COL5A2: variants seen among roughly 807,000 people sequenced by gnomAD.
COL5A2 encodes collagen alpha-2(V) chain.
Under a neutral mutation model 208.2 loss-of-function variants are expected in COL5A2, and 23 were observed. The observed-to-expected ratio is 0.11, with a 90% CI of 0.08 to 0.16. The LOEUF is 0.16. Among genes scored for constraint, COL5A2 ranks in the 10% least tolerant of loss-of-function variants. The probability of loss-of-function intolerance (pLI) is 1.00; values close to 1 mark genes in which losing one functional copy is unlikely to be tolerated. For missense variants in COL5A2, 1,590 were observed against 1,956.4 expected (o/e 0.81, Z 3.53); for synonymous variants, 625 against 628.5 (o/e 0.99, Z 0.08).
At chr2:189,259,725 C>T in the COL5A2 span, among the ~76,000 whole-genome samples, 102 of 152,258 alleles carry the variant, frequency 6.7e-4, no homozygotes, top group Middle Eastern at 3.4e-3. Flanking sequence ...TATTTGGCTA[C>T]GTTAACGGAC....
chr2:189,286,616 C>T, the COL5A2 span, among the ~76,000 whole-genome samples: 2 of 152,142 alleles, frequency 1.3e-5, no homozygotes, highest in Non-Finnish European at 2.9e-5. Flanking sequence ...AAGTGGAAGA[C>T]ATGCCACAGC....
chr2:189,128,258 T>C (rs1687646457), intron 1 of COL5A2, among the ~76,000 whole-genome samples: 1 of 152,000 alleles, frequency 6.6e-6, no homozygotes, highest in Non-Finnish European at 1.5e-5. Context: ...ACCTTGCTAG[T>C]TATGTTTGTA....
chr2:189,160,417 C>A (rs968154744), intron 1 of COL5A2, among the ~76,000 whole-genome samples: 2 of 152,092 alleles, frequency 1.3e-5, no homozygotes, highest in Non-Finnish European at 2.9e-5. Context: ...TTTATCCCCC[C>A]TTTTTTTCTA....
chr2:189,416,726 T>A, the COL5A2 span, among the ~76,000 whole-genome samples: 3,759 of 152,138 alleles, frequency 0.025, 158 homozygotes, highest in African/African-American at 0.085. Context: ...ATAAAATTTT[T>A]TAAAAAAATC....
chr2:189,045,287 T>C, intron 46 of COL5A2, 55 bp from the exon 47 acceptor site: 1 of 1,133,528 alleles, frequency 8.8e-7, no homozygotes, highest in Non-Finnish European at 1.3e-6. Flanking sequence ...ATTCACATAT[T>C]ACATAGATAC....
chr2:189,210,394 T>C (rs1200775342), intron 1 of COL5A2, among the ~76,000 whole-genome samples: 1 of 150,670 alleles, frequency 6.6e-6, no homozygotes, highest in African/African-American at 2.4e-5. Context: ...TTTTCGTCTG[T>C]TTTCACTTGA....
chr2:189,248,165 T>C, the COL5A2 span, among the ~76,000 whole-genome samples: 2 of 152,238 alleles, frequency 1.3e-5, no homozygotes, highest in Non-Finnish European at 2.9e-5. Flanking sequence ...GTTTCTTTGA[T>C]AATAGCAATG....
intron 7 of COL5A2, among the ~76,000 whole-genome samples, chr2:189,089,115 A>T (rs1449966591): frequency 6.6e-6 from 1 of 152,172 alleles, no homozygotes; most frequent in Non-Finnish European, 1.5e-5. Flanking sequence ...ATTTCTTCCC[A>T]CAGTTAGAGA....
At chr2:189,355,884 C>T in the COL5A2 span, among the ~76,000 whole-genome samples, 1 of 152,168 alleles carries the variant, frequency 6.6e-6, no homozygotes, top group Admixed American at 6.5e-5. Flanking sequence ...ATGGTCTTTA[C>T]AATTTGGTAT....
At chr2:189,423,575 T>C in the COL5A2 span, among the ~76,000 whole-genome samples, 1 of 151,788 alleles carries the variant, frequency 6.6e-6, no homozygotes, top group Non-Finnish European at 1.5e-5. Flanking sequence ...CAAAGGATAA[T>C]AAGAGACTAT....
At chr2:189,316,987 C>T in the COL5A2 span, among the ~76,000 whole-genome samples, 1 of 152,028 alleles carries the variant, frequency 6.6e-6, no homozygotes, top group Non-Finnish European at 1.5e-5. Context: ...TGTATCAAAA[C>T]ATCTCAAGTA....
chr2:189,249,778 C>G, the COL5A2 span, among the ~76,000 whole-genome samples: 3 of 151,274 alleles, frequency 2.0e-5, no homozygotes, highest in Admixed American at 2.0e-4. Flanking sequence ...CTCATTGCAA[C>G]CTCCACCTCC....
At chr2:189,389,821 A>T in the COL5A2 span, among the ~76,000 whole-genome samples, 1 of 152,196 alleles carries the variant, frequency 6.6e-6, no homozygotes, top group African/African-American at 2.4e-5. Context: ...TGCAATGGAC[A>T]ATGTTAACTT....
At chr2:189,202,046 C>T (rs1420642806) in intron 1 of COL5A2, among the ~76,000 whole-genome samples, 1 of 151,110 alleles carries the variant, frequency 6.6e-6, no homozygotes, top group Admixed American at 6.6e-5. Context: ...AGAAGTAAAG[C>T]ATTTTAAGCT....
chr2:189,225,286 C>T (rs1385405318), exon 1 of COL5A2, among the ~76,000 whole-genome samples: 1 of 152,098 alleles, frequency 6.6e-6, no homozygotes, highest in African/African-American at 2.4e-5. Context: ...AGATGAGTGG[C>T]AGGTGGCCAG....
intron 17 of COL5A2, 52 bp downstream of exon 17, chr2:189,075,341 G>T: frequency 7.7e-7 from 1 of 1,299,920 alleles, no homozygotes; most frequent in Non-Finnish European, 1.1e-6. Flanking sequence ...ATGTACAAAT[G>T]GAAGAATGCA....
intron 1 of COL5A2, among the ~76,000 whole-genome samples, chr2:189,151,043 G>A (rs1231887444): frequency 6.6e-6 from 1 of 152,102 alleles, no homozygotes; most frequent in Non-Finnish European, 1.5e-5. Flanking sequence ...AAAAATCATG[G>A]ATTACCTGGC....
the COL5A2 span, among the ~76,000 whole-genome samples, chr2:189,405,991 T>C: frequency 1.3e-5 from 2 of 152,168 alleles, no homozygotes; most frequent in Non-Finnish European, 2.9e-5. Flanking sequence ...CTTTCTAGAG[T>C]CTTTGCAACC....
At chr2:189,063,293 G>GT in intron 26 of COL5A2, 23 bp from the exon 27 acceptor site, 1 of 1,592,168 alleles carries the variant, frequency 6.3e-7, no homozygotes, top group Non-Finnish European at 8.6e-7. Context: ...CAGGAGCCAT[G>GT]TAAGTTTCAT....
Sources: gnomAD v4.1 joint callset for allele counts (sites outside exome capture counted in the v4.1 genomes callset) on GRCh38, gnomAD v4.1.1 for gene constraint, MANE v1.5 for transcripts, NCBI Gene and HGNC (gene_info 2026-07-23, HGNC 2026-07-21) for gene names.